The following LRRC37A2 variants were observed in gnomAD, a reference collection of about 807,000 sequenced individuals.
The protein encoded by LRRC37A2 is leucine-rich repeat-containing protein 37A2.
LRRC37A2 carries 9 observed loss-of-function variants against 68.8 expected under a neutral mutation model. The observed-to-expected ratio is 0.13, with a 90% CI of 0.08 to 0.23. LRRC37A2 has a LOEUF of 0.23. Ranked by LOEUF, LRRC37A2 falls within the 10% of genes least tolerant of loss-of-function variation. LRRC37A2 has a pLI of 1.00. For synonymous variants in LRRC37A2, 63 were observed against 367.6 expected (o/e 0.17, Z 9.48); for missense variants, 168 against 950.4 (o/e 0.18, Z 10.82).
chr17:46,816,671 A>G, the LRRC37A2 span, among the ~76,000 whole-genome samples: 1 of 151,814 alleles, frequency 6.6e-6, no homozygotes, highest in African/African-American at 2.4e-5. Context: ...ATGGTCCCCA[A>G]GATACCATTT....
chr17:46,868,337 A>T, the LRRC37A2 span, among the ~76,000 whole-genome samples: 1 of 152,196 alleles, frequency 6.6e-6, no homozygotes. Context: ...CATGCCTGTA[A>T]TCCCAGCACT....
the LRRC37A2 span, among the ~76,000 whole-genome samples, chr17:46,775,210 A>C: frequency 6.6e-6 from 1 of 152,208 alleles, no homozygotes; most frequent in Non-Finnish European, 1.5e-5. Flanking sequence ...ATTCCCAAAC[A>C]TGAAGAACAT....
the LRRC37A2 span, among the ~76,000 whole-genome samples, chr17:46,874,481 A>G: frequency 6.6e-6 from 1 of 152,174 alleles, no homozygotes; most frequent in Non-Finnish European, 1.5e-5. Flanking sequence ...TTCTTCTCTG[A>G]GAGGTGAAGG....
At chr17:46,889,330 G>A in the LRRC37A2 span, among the ~76,000 whole-genome samples, 3 of 152,126 alleles carry the variant, frequency 2.0e-5, no homozygotes, top group Admixed American at 1.3e-4. Flanking sequence ...CTCCCTGGGC[G>A]TGGCGGGGGT....
the LRRC37A2 span, among the ~76,000 whole-genome samples, chr17:46,783,983 G>T: frequency 6.6e-6 from 1 of 152,202 alleles, no homozygotes; most frequent in Admixed American, 6.5e-5. Flanking sequence ...GGGAGGCGGG[G>T]TTGACGTGGA....
the LRRC37A2 span, among the ~76,000 whole-genome samples, chr17:47,037,872 G>C: frequency 2.0e-5 from 3 of 152,032 alleles, no homozygotes; most frequent in Non-Finnish European, 4.4e-5. Flanking sequence ...TATCTTTCTG[G>C]TAATGTGTCT....
the LRRC37A2 span, among the ~76,000 whole-genome samples, chr17:46,852,258 G>A: frequency 1.3e-5 from 2 of 148,456 alleles, no homozygotes; most frequent in African/African-American, 4.9e-5. Flanking sequence ...GGGAGAATGG[G>A]GGAAACCTCG....
chr17:46,870,420 G>A, the LRRC37A2 span, among the ~76,000 whole-genome samples: 2 of 152,208 alleles, frequency 1.3e-5, no homozygotes, highest in Non-Finnish European at 2.9e-5. Context: ...GAGGGGTTTG[G>A]GTGTAGACCT....
At chr17:46,478,800 C>A in the LRRC37A2 span, among the ~76,000 whole-genome samples, 1 of 98,544 alleles carries the variant, frequency 1.0e-5, no homozygotes, top group Admixed American at 1.0e-4. Context: ...GTAGAGGGAA[C>A]AACATATGCA....
the LRRC37A2 span, among the ~76,000 whole-genome samples, chr17:47,013,402 C>T: frequency 6.6e-6 from 1 of 152,210 alleles, no homozygotes; most frequent in Non-Finnish European, 1.5e-5. Context: ...CAAGATCTGG[C>T]CAGTCAGTGC....
chr17:46,907,695 AC>A, the LRRC37A2 span, among the ~76,000 whole-genome samples: 159 of 145,700 alleles, frequency 1.1e-3, 1 homozygote, highest in African/African-American at 3.8e-3. Flanking sequence ...AAAACAAAAA[AC>A]CCAAAATTAA....
At chr17:46,722,569 C>A in the LRRC37A2 span, among the ~76,000 whole-genome samples, 1 of 152,178 alleles carries the variant, frequency 6.6e-6, no homozygotes, top group African/African-American at 2.4e-5. Context: ...TGGCAGCTAA[C>A]CTCACGTACT....
chr17:46,923,179 G>C, the LRRC37A2 span: 2 of 1,530,674 alleles, frequency 1.3e-6, no homozygotes, highest in Non-Finnish European at 1.8e-6. Context: ...GCCGTGGCCT[G>C]CGGGGCCGGC....
Position 46,548,757 on chromosome 17 carries a change from CG to C in LRRC37A2, c.3621del (p.Ser1208ValfsTer19). ...AGAACGCTGCCGAAGAAAAAAGGCTCGGGAGTCCAGCCCCAAGGGAGGTGGA... is the reference window on the plus strand; with the variant it reads ...AGAACGCTGCCGAAGAAAAAAGGCTCGGAGTCCAGCCCCAAGGGAGGTGGA... On this transcript the variant is annotated frameshift_variant, in exon 10 of 15. Coordinates refer to ENST00000576629, the Ensembl canonical transcript of LRRC37A2. LOFTEE classifies it high-confidence loss of function. 3 of 1,610,978 alleles carry C rather than the reference CG, an allele frequency of 1.9e-6. No homozygotes were observed. Among genetic ancestry groups the C allele is most frequent in the South Asian group, 1.1e-5 (1 of 91,002 alleles).
chr17:46,733,532 T>C, the LRRC37A2 span, among the ~76,000 whole-genome samples: 2 of 152,180 alleles, frequency 1.3e-5, no homozygotes, highest in Non-Finnish European at 2.9e-5. Flanking sequence ...TGTAACAGGG[T>C]AGCCTCGTAA....
At chr17:46,851,021 G>C in the LRRC37A2 span, among the ~76,000 whole-genome samples, 21 of 152,328 alleles carry the variant, frequency 1.4e-4, no homozygotes, top group African/African-American at 4.8e-4. The surrounding 1 kb of genome is among the most constrained non-coding windows in gnomAD (Gnocchi z 4.3). Flanking sequence ...TCTTTGCCTG[G>C]CAACAGGGTC....
At chr17:46,899,844 AT>A in the LRRC37A2 span, among the ~76,000 whole-genome samples, 1 of 152,046 alleles carries the variant, frequency 6.6e-6, no homozygotes, top group Non-Finnish European at 1.5e-5. Context: ...TTGCTGTTGT[AT>A]TTCATTCTTA....
At chr17:46,493,320 T>C in the LRRC37A2 span, among the ~76,000 whole-genome samples, 1 of 106,278 alleles carries the variant, frequency 9.4e-6, no homozygotes, top group Non-Finnish European at 2.0e-5. Flanking sequence ...CCACCACACC[T>C]GGCTAGTTTT....
the LRRC37A2 span, chr17:47,019,466 G>A: frequency 9.1e-5 from 146 of 1,598,904 alleles, 5 homozygotes; most frequent in African/African-American, 6.3e-4. Flanking sequence ...TAACTCCAGA[G>A]CCCACTACAG....
Sources: allele counts gnomAD v4.1 joint callset (sites outside exome capture counted in the v4.1 genomes callset), GRCh38; gene constraint gnomAD v4.1.1; non-coding constraint Gnocchi (gnomAD v3.1); transcripts MANE v1.5; gene names NCBI Gene and HGNC (gene_info 2026-07-23, HGNC 2026-07-21).